ASAP2: variants seen among roughly 807,000 people sequenced by gnomAD.
ASAP2 encodes the protein ArfGAP with SH3 domain, ankyrin repeat and PH domain 2.
ASAP2 carries 45 observed loss-of-function variants against 131.4 expected under a neutral mutation model. That is an observed-to-expected ratio of 0.34 (90% CI 0.27 to 0.44). The LOEUF is 0.44. ASAP2 is among the 20% of genes least tolerant of loss of function. The pLI is 1.00. For missense variants in ASAP2, 1,011 were observed against 1,297.0 expected, an observed-to-expected ratio of 0.78 and a Z score of 3.39; for synonymous variants, 510 against 503.0, an observed-to-expected ratio of 1.01 and a Z score of -0.19.
intron 15 of ASAP2, among the ~76,000 whole-genome samples, chr2:9,361,974 C>CGTGTGT (rs70948815): frequency 0.077 from 10,965 of 143,184 alleles, 694 homozygotes; most frequent in African/African-American, 0.17. Flanking sequence ...TCTTTCTCTG[C>CGTGTGT]GTGTGTGTGT....
chr2:9,367,755 C>T (rs973083655), intron 15 of ASAP2, among the ~76,000 whole-genome samples: 1 of 152,104 alleles, frequency 6.6e-6, no homozygotes, highest in Non-Finnish European at 1.5e-5. Context: ...GAGCAAGACA[C>T]TGTCTCAAAA....
At chr2:9,382,561 C>G (rs1001441679) in intron 20 of ASAP2, among the ~76,000 whole-genome samples, 1 of 152,234 alleles carries the variant, frequency 6.6e-6, no homozygotes, top group African/African-American at 2.4e-5. Flanking sequence ...GCGTTTAATT[C>G]TCTCATCCTG....
Position 9,214,184 on chromosome 2 carries a change from G to A in ASAP2, c.126+6954G>A, listed in dbSNP as rs79118327. Among the ~76,000 whole-genome samples the A allele has an allele frequency of 6.5e-3, 985 of 152,272 alleles. 13 individuals are homozygous for A. The highest frequency in any genetic ancestry group is 0.023 in the African/African-American group (938 of 41,548). ...TTTGCTTACGCCTTTTCTGTGTAAT[G>A]TGGCCTCCAAGTGGATTGCTAGGGC... On this transcript the variant is annotated intron_variant, in intron 1 of 27. Transcript: ENST00000281419.
chr2:9,248,920 T>A (rs1419766337), intron 1 of ASAP2, among the ~76,000 whole-genome samples: 1 of 152,214 alleles, frequency 6.6e-6, no homozygotes, highest in East Asian at 1.9e-4. Flanking sequence ...AAGCTCTCCA[T>A]GTCCCCAAAT....
Position 9,374,823 on chromosome 2 carries a change from A to G in ASAP2, c.1625A>G (p.Asp542Gly). The G allele has an allele frequency of 6.2e-7, 1 of 1,614,156 alleles. No individual in the cohort carries two copies. The highest frequency in any genetic ancestry group is 8.5e-7 in the Non-Finnish European group (1 of 1,180,014). Residue 542 changes from aspartate (D) to glycine (G), a missense_variant, in exon 17 of 28, where the codon GAT (aspartate) becomes GGT (glycine). Transcript: ENST00000281419. ...AGATACGCAAGGAAGAAGCACGCGG[A>G]TAACGCGGCGAAGCTTCACAGTCTT... Reference protein sequence around the residue: ...ERRYARKKHADNAAKLHSLCE... With the variant: ...ERRYARKKHAGNAAKLHSLCE...
At chr2:9,327,618 TATTTA>T (rs1446549326) in intron 6 of ASAP2, among the ~76,000 whole-genome samples, 2 of 152,154 alleles carry the variant, frequency 1.3e-5, no homozygotes, top group African/African-American at 4.8e-5. Context: ...GGCACTTCAA[TATTTA>T]ATTATCTGAC....
At chr2:9,213,547 G>T (rs191751720) in intron 1 of ASAP2, among the ~76,000 whole-genome samples, 29 of 152,224 alleles carry the variant, frequency 1.9e-4, no homozygotes, top group African/African-American at 6.7e-4. Context: ...AAGGAAAGAG[G>T]GAGACCAGTT....
chr2:9,237,639 C>G (rs949409140), intron 1 of ASAP2, among the ~76,000 whole-genome samples: 3 of 151,994 alleles, frequency 2.0e-5, no homozygotes, highest in African/African-American at 7.3e-5. Context: ...AGGCTGGTCT[C>G]AAACTCCTGG....
At chr2:9,400,578 G>A (rs554082467) in intron 25 of ASAP2, among the ~76,000 whole-genome samples, 164 bp from the exon 26 acceptor site, 2 of 152,182 alleles carry the variant, frequency 1.3e-5, no homozygotes, top group South Asian at 4.2e-4. Flanking sequence ...TGCCACACAA[G>A]CTCTCCAAGG....
chr2:9,275,029 A>G (rs1455197187), intron 1 of ASAP2, among the ~76,000 whole-genome samples: 2 of 149,508 alleles, frequency 1.3e-5, no homozygotes, highest in African/African-American at 4.9e-5. Context: ...GCAGCCTTTT[A>G]CATTGAAGTT....
At chr2:9,219,202 C>A (rs1252510353) in intron 1 of ASAP2, among the ~76,000 whole-genome samples, 1 of 152,152 alleles carries the variant, frequency 6.6e-6, no homozygotes, top group East Asian at 1.9e-4. Context: ...TTTCTTATAT[C>A]CAGCGAGCTT....
chr2:9,256,988 G>A (rs1453137256), intron 1 of ASAP2, among the ~76,000 whole-genome samples: 4 of 152,238 alleles, frequency 2.6e-5, no homozygotes, highest in African/African-American at 7.2e-5. Flanking sequence ...CTTGGCTGGA[G>A]TGCCTCCTGC....
At chr2:9,279,515 A>G (rs1027966261) in intron 2 of ASAP2, 126 bp downstream of exon 2, 1 of 834,236 alleles carries the variant, frequency 1.2e-6, no homozygotes, top group Middle Eastern at 2.3e-4. Context: ...CATGCAGATC[A>G]CAGAGGTGAG....
At position 9,366,469 on chromosome 2, in the gene ASAP2, C is replaced by A. The variant is rs111870634; in HGVS notation, c.1462-1956C>A. Among the ~76,000 whole-genome samples, 1,020 of 152,270 alleles carry A rather than the reference C, an allele frequency of 6.7e-3. 11 individuals are homozygous for A. The highest frequency in any genetic ancestry group is 0.023 in the African/African-American group (968 of 41,558). ...GACAGTGTCCTGCTTGGATTGTATG[C>A]TGCCTGGCTATAAACCAGGCGCTCT... On this transcript the variant is annotated intron_variant, in intron 15 of 27. Transcript: ENST00000281419.
chr2:9,256,586 A>G (rs1317441464), intron 1 of ASAP2, among the ~76,000 whole-genome samples: 1 of 152,194 alleles, frequency 6.6e-6, no homozygotes. Context: ...TTAAAAAAGA[A>G]TGTGGCCATC....
intron 9 of ASAP2, among the ~76,000 whole-genome samples, chr2:9,338,378 T>G (rs1320905347): frequency 6.6e-6 from 1 of 152,074 alleles, no homozygotes; most frequent in Non-Finnish European, 1.5e-5. Flanking sequence ...TCTTGCTCCC[T>G]CTTTTTCAAG....
intron 5 of ASAP2, among the ~76,000 whole-genome samples, chr2:9,322,281 C>G (rs1404705324): frequency 6.6e-6 from 1 of 152,142 alleles, no homozygotes; most frequent in Non-Finnish European, 1.5e-5. Context: ...TCCTCCTTGC[C>G]CTAATGACAG....
rs565383190 is a variant in ASAP2, at chr2:9,374,852, G to A, written c.1654G>A (p.Glu552Lys). 3.7e-6 allele frequency: 6 copies of A among 1,613,994 alleles called. No individual in the cohort carries two copies. The highest frequency in any genetic ancestry group is 3.3e-5 in the South Asian group (3 of 91,080). The change falls in exon 17 of 28, where the codon GAG becomes AAG. Residue 552 changes from glutamate (E) to lysine (K), a missense_variant. Around this residue, in one of 2 missense-constraint regions of ASAP2, gnomAD observed 652 missense variants for 698.9 expected, o/e 0.93. Coordinates refer to ENST00000281419, the MANE Select transcript of ASAP2 (RefSeq NM_003887.3). ...CGCGGCGAAGCTTCACAGTCTTTGC[G>A]AGGCCGTCAAAACGAGAGATATTTT... is the stretch of plus-strand genomic sequence containing the variant. ...DNAAKLHSLC[E>K]AVKTRDIFGL... is the part of the protein sequence containing the mutation.
Position 9,380,635 on chromosome 2 carries a change from A to C in ASAP2, c.1949-106A>C. On this transcript the variant is annotated intron_variant, in intron 19 of 27. Coordinates refer to ENST00000281419, the MANE Select transcript of ASAP2 (RefSeq NM_003887.3). The stretch of plus-strand genomic sequence containing the variant: ...ACTGTGGATTTCATTAACCAGGCCC[A>C]ATTTAATTTAGTGCTGCCTTTCTGT... 2.9e-6 allele frequency: 3 copies of C among 1,043,728 alleles called. No individual in the cohort carries two copies. The South Asian group carries it at 3.8e-5, about 13-fold the overall frequency. The allele number at this position is 1,043,728 out of a possible 1,614,324, so 64.7% of individuals were successfully genotyped here. A position where few individuals can be genotyped will look rare whatever the true frequency, so the allele number is the denominator to read the frequency against.
Sources: gnomAD v4.1 joint callset for allele counts (sites outside exome capture counted in the v4.1 genomes callset) on GRCh38, gnomAD v4.1.1 for gene constraint, gnomAD v4.1.1 regional missense constraint, MANE v1.5 for transcripts, NCBI Gene and HGNC (gene_info 2026-07-23, HGNC 2026-07-21) for gene names.